Variants in GPD2 observed in about 807,000 individuals in gnomAD.
GPD2 encodes glycerol-3-phosphate dehydrogenase, mitochondrial.
A neutral mutation model predicts 82.4 loss-of-function variants in GPD2; 54 were observed. The ratio of observed to expected loss-of-function variants is 0.66; its 90% CI spans 0.53 to 0.82. GPD2 has a LOEUF of 0.82. Ranked by LOEUF, GPD2 falls within the 40% of genes least tolerant of loss-of-function variation. The pLI is 0.00. For missense variants in GPD2, 748 were observed against 896.2 expected (o/e 0.83, Z 2.11); for synonymous variants, 288 against 306.1 (o/e 0.94, Z 0.62).
chr2:156,499,524 T>A (rs1329029646), intron 3 of GPD2, among the ~76,000 whole-genome samples: 1 of 152,130 alleles, frequency 6.6e-6, no homozygotes, highest in Non-Finnish European at 1.5e-5. Flanking sequence ...AATAAGGCAA[T>A]CACTAAGTGA....
chr2:156,413,100 G>T, the GPD2 span, among the ~76,000 whole-genome samples: 1 of 151,474 alleles, frequency 6.6e-6, no homozygotes, highest in East Asian at 2.0e-4. Context: ...CTGTCTGAGG[G>T]TGGGTGGAGT....
rs538796359 is a variant in GPD2 at position 156,478,469 on chromosome 2, T to TA, written c.102+2263dup. Among the ~76,000 whole-genome samples, 640 of 152,062 alleles carry TA rather than the reference T, an allele frequency of 4.2e-3. 1 individual carries two copies. Among genetic ancestry groups the TA allele is most frequent in the African/African-American group, 0.015 (606 of 41,462 alleles). ...CTGCCATTAGCATGTATTTGGGGGG[T>TA]AGCAGGTGCGATGTAGCCATAGGGA... is the stretch of plus-strand genomic sequence containing the variant. On this transcript the variant is annotated intron_variant, in intron 2 of 16. Coordinates refer to ENST00000438166, the MANE Select transcript of GPD2 (RefSeq NM_000408.5).
intron 8 of GPD2, among the ~76,000 whole-genome samples, chr2:156,555,439 C>T (rs979246009): frequency 6.6e-6 from 1 of 152,096 alleles, no homozygotes; most frequent in African/African-American, 2.4e-5. Flanking sequence ...TTATTTTAGA[C>T]ACATCATATG....
chr2:156,503,822 T>C (rs1684682579), intron 3 of GPD2, among the ~76,000 whole-genome samples: 1 of 152,168 alleles, frequency 6.6e-6, no homozygotes, highest in Non-Finnish European at 1.5e-5. Flanking sequence ...CAGGAGGCCA[T>C]TAGTATAGTT....
intron 3 of GPD2, among the ~76,000 whole-genome samples, chr2:156,496,716 T>C (rs1684395406): frequency 6.6e-6 from 1 of 151,822 alleles, no homozygotes; most frequent in Non-Finnish European, 1.5e-5. Flanking sequence ...TTTGTTCTGG[T>C]TTTTTTTAAA....
chr2:156,424,400 C>T, the GPD2 span, among the ~76,000 whole-genome samples: 5 of 152,112 alleles, frequency 3.3e-5, no homozygotes, highest in Non-Finnish European at 4.4e-5. Flanking sequence ...AATTATTAAA[C>T]AATTCTCAGT....
intron 2 of GPD2, among the ~76,000 whole-genome samples, chr2:156,480,735 G>A (rs1381625319): frequency 6.6e-6 from 1 of 151,514 alleles, no homozygotes; most frequent in Non-Finnish European, 1.5e-5. Context: ...AAATAGGCAA[G>A]GAGTGAGCTT....
At chr2:156,550,369 CATA>C (rs1178759505) in intron 7 of GPD2, among the ~76,000 whole-genome samples, 1 of 152,162 alleles carries the variant, frequency 6.6e-6, no homozygotes, top group East Asian at 1.9e-4. Flanking sequence ...CGACAGAATC[CATA>C]ATGAGAAAGT....
the GPD2 span, among the ~76,000 whole-genome samples, chr2:156,403,818 T>C: frequency 6.6e-6 from 1 of 152,232 alleles, no homozygotes; most frequent in African/African-American, 2.4e-5. Flanking sequence ...CCCTTGGCAC[T>C]GCACTTTCTT....
chr2:156,408,410 A>G, the GPD2 span, among the ~76,000 whole-genome samples: 1 of 152,180 alleles, frequency 6.6e-6, no homozygotes, highest in African/African-American at 2.4e-5. Context: ...TCTTGAAAGC[A>G]TCGCCTGGGA....
intron 6 of GPD2, among the ~76,000 whole-genome samples, chr2:156,541,808 G>A (rs1186779959): frequency 3.2e-5 from 4 of 124,332 alleles, no homozygotes; most frequent in East Asian, 2.6e-4. Context: ...TTCCTTAAAC[G>A]TATAAAATGC....
chr2:156,512,629 A>T (rs756207438), intron 5 of GPD2, among the ~76,000 whole-genome samples: 3 of 152,218 alleles, frequency 2.0e-5, no homozygotes, highest in Non-Finnish European at 4.4e-5. Flanking sequence ...ACATAAGAGG[A>T]TCATGTGCAG....
chr2:156,513,237 T>G, intron 5 of GPD2, 96 bp from the exon 6 acceptor site: 2 of 937,262 alleles, frequency 2.1e-6, no homozygotes, highest in Non-Finnish European at 3.5e-6. Context: ...AGGTATGCTT[T>G]GTTTTTCTTA....
At chr2:156,557,198 A>G (rs970596327) in intron 8 of GPD2, among the ~76,000 whole-genome samples, 191 bp from the exon 9 acceptor site, 6 of 152,090 alleles carry the variant, frequency 3.9e-5, no homozygotes, top group African/African-American at 1.4e-4. Flanking sequence ...CATTTGTTTC[A>G]TTCTGTTTTG....
rs570766787 is a variant in GPD2, at chr2:156,575,930, A to G, written c.1768-2959A>G. On this transcript the variant is annotated intron_variant, in intron 13 of 16. Coordinates refer to ENST00000438166, the MANE Select transcript of GPD2 (RefSeq NM_000408.5). ...TTCAAATGGTTAAATTACAATGTTG[A>G]TGGCATGCATCTTTGATGTACCAAT... Among the ~76,000 whole-genome samples the G allele has an allele frequency of 1.1e-4, 16 of 152,308 alleles. 1 individual carries two copies. Among genetic ancestry groups the G allele is most frequent in the African/African-American group, 3.8e-4 (16 of 41,572 alleles).
intron 2 of GPD2, among the ~76,000 whole-genome samples, chr2:156,489,755 CCTTCTCTTCG>C (rs1684097334): frequency 9.9e-6 from 1 of 100,992 alleles, no homozygotes; most frequent in African/African-American, 4.0e-5. Context: ...TCCCTCGCTC[CCTTCTCTTCG>C]TCCCTTCCCT....
At chr2:156,459,211 T>C (rs1191156052) in intron 1 of GPD2, among the ~76,000 whole-genome samples, 3 of 152,206 alleles carry the variant, frequency 2.0e-5, no homozygotes, top group Non-Finnish European at 2.9e-5. Context: ...GACTTTTCTT[T>C]ATTATGATTC....
intron 2 of GPD2, among the ~76,000 whole-genome samples, chr2:156,493,958 G>GTATA (rs71402357): frequency 2.1e-5 from 3 of 143,408 alleles, no homozygotes; most frequent in Non-Finnish European, 3.0e-5. Flanking sequence ...GTGTGTGTGT[G>GTATA]TATAATTTTT....
intron 4 of GPD2, among the ~76,000 whole-genome samples, chr2:156,511,345 A>G (rs1056701581): frequency 6.6e-6 from 1 of 152,202 alleles, no homozygotes; most frequent in East Asian, 1.9e-4. Context: ...CTGAAGGAAA[A>G]GATGATCTGA....
Sources: gnomAD v4.1 joint callset for allele counts (sites outside exome capture counted in the v4.1 genomes callset) on GRCh38, gnomAD v4.1.1 for gene constraint, MANE v1.5 for transcripts, NCBI Gene and HGNC (gene_info 2026-07-23, HGNC 2026-07-21) for gene names.